ZNF385D: variants seen among roughly 807,000 people sequenced by gnomAD.
The protein encoded by ZNF385D is zinc finger protein 659.
ZNF385D carries 15 observed loss-of-function variants against 35.8 expected under a neutral mutation model. The ratio of observed to expected loss-of-function variants is 0.42; its 90% CI spans 0.28 to 0.64. The LOEUF is 0.64. Among genes scored for constraint, ZNF385D ranks in the 30% least tolerant of loss-of-function variants. The pLI, the probability that ZNF385D is intolerant of heterozygous loss-of-function variation, is 0.23. For synonymous variants in ZNF385D, 212 were observed against 186.8 expected (o/e 1.13, Z -1.10); for missense variants, 474 against 494.6 (o/e 0.96, Z 0.39).
chr3:21,423,869 G>C (rs1700860860), intron 7 of ZNF385D, 94 bp downstream of exon 7: 2 of 1,140,222 alleles, frequency 1.8e-6, no homozygotes, highest in African/African-American at 3.2e-5. Context: ...AAGGTACTGG[G>C]CTGTGGTTAA....
intron 4 of ZNF385D, among the ~76,000 whole-genome samples, chr3:21,473,845 G>A (rs1473742299): frequency 1.3e-5 from 2 of 151,954 alleles, no homozygotes; most frequent in Non-Finnish European, 2.9e-5. Context: ...ATCTAATTTA[G>A]ACGCTCACCC....
chr3:22,160,688 A>G (rs568326815), intron 3 of ZNF385D, among the ~76,000 whole-genome samples: 1 of 152,272 alleles, frequency 6.6e-6, no homozygotes, highest in South Asian at 2.1e-4. Flanking sequence ...TTTATGTGCT[A>G]CAAAACAATG....
intron 3 of ZNF385D, among the ~76,000 whole-genome samples, chr3:21,846,255 G>A (rs1369813142): frequency 6.6e-6 from 1 of 152,038 alleles, no homozygotes; most frequent in East Asian, 1.9e-4. Context: ...TAGTTGCTCA[G>A]TTCTAATAAA....
intron 2 of ZNF385D, among the ~76,000 whole-genome samples, chr3:22,209,225 G>C (rs933934807): frequency 1.3e-5 from 2 of 151,898 alleles, no homozygotes; most frequent in Non-Finnish European, 2.9e-5. Context: ...CCCTTGAATA[G>C]CTTAAACTTA....
At chr3:22,267,621 A>G (rs1421418810) in intron 2 of ZNF385D, among the ~76,000 whole-genome samples, 1 of 151,966 alleles carries the variant, frequency 6.6e-6, no homozygotes. Flanking sequence ...CAGCTTTATT[A>G]AAACACCATT....
chr3:21,604,371 C>T (rs138788327), intron 2 of ZNF385D, among the ~76,000 whole-genome samples: 63 of 152,124 alleles, frequency 4.1e-4, no homozygotes, highest in African/African-American at 1.3e-3. Flanking sequence ...ATTAACAAGG[C>T]GCTGAAAATT....
intron 3 of ZNF385D, among the ~76,000 whole-genome samples, chr3:22,070,943 G>A (rs1240939264): frequency 1.3e-5 from 2 of 151,978 alleles, no homozygotes; most frequent in African/African-American, 4.8e-5. Flanking sequence ...AACAGTATAG[G>A]TGTTAACCAA....
At chr3:21,676,793 A>AT (rs35309798) in intron 1 of ZNF385D, among the ~76,000 whole-genome samples, 97 of 150,678 alleles carry the variant, frequency 6.4e-4, no homozygotes, top group African/African-American at 8.0e-4. Flanking sequence ...GCCCATATGT[A>AT]TTTTTTTTTT....
intron 2 of ZNF385D, among the ~76,000 whole-genome samples, chr3:22,281,524 G>A (rs185878986): frequency 3.7e-4 from 56 of 152,028 alleles, no homozygotes; most frequent in East Asian, 3.3e-3. Context: ...TTCTGGTTAC[G>A]TGGTATATCA....
chr3:22,127,473 G>A (rs950061426), intron 3 of ZNF385D, among the ~76,000 whole-genome samples: 1 of 151,090 alleles, frequency 6.6e-6, no homozygotes, highest in Non-Finnish European at 1.5e-5. Flanking sequence ...CCTAGTAGCT[G>A]GGATTACAAG....
chr3:21,688,093 C>T (rs987598557), intron 1 of ZNF385D, among the ~76,000 whole-genome samples: 3 of 151,984 alleles, frequency 2.0e-5, no homozygotes, highest in South Asian at 4.1e-4. Context: ...CATAACTCAC[C>T]TCTATTATTT....
chr3:21,501,818 C>G (rs752053636), intron 4 of ZNF385D, among the ~76,000 whole-genome samples: 2 of 152,186 alleles, frequency 1.3e-5, no homozygotes, highest in Non-Finnish European at 2.9e-5. Context: ...CACAAAGACA[C>G]AGATGTTTCC....
intron 3 of ZNF385D, among the ~76,000 whole-genome samples, chr3:22,158,638 T>C (rs1046286145): frequency 6.6e-6 from 1 of 151,864 alleles, no homozygotes; most frequent in Admixed American, 6.6e-5. Context: ...GGAAACTATT[T>C]AGTGAATTGA....
chr3:21,905,310 A>G (rs938015180), intron 3 of ZNF385D, among the ~76,000 whole-genome samples: 2 of 151,764 alleles, frequency 1.3e-5, no homozygotes, highest in East Asian at 1.9e-4. Flanking sequence ...CTTTGTATGC[A>G]TAACTCAAGC....
At chr3:21,706,409 G>A (rs183795622) in intron 1 of ZNF385D, among the ~76,000 whole-genome samples, 19 of 152,076 alleles carry the variant, frequency 1.2e-4, no homozygotes, top group African/African-American at 4.6e-4. Context: ...CCAAAAAAAA[G>A]TACATCTTTT....
At chr3:22,037,242 G>C (rs1048322326) in intron 3 of ZNF385D, among the ~76,000 whole-genome samples, 28 of 138,974 alleles carry the variant, frequency 2.0e-4, no homozygotes, top group African/African-American at 7.1e-4. Flanking sequence ...TGGGATGGCT[G>C]GGTCAAATGG....
chr3:21,750,816 A>G (rs1031130765), intron 1 of ZNF385D, 79 bp downstream of exon 1: 1 of 1,584,374 alleles, frequency 6.3e-7, no homozygotes, highest in Non-Finnish European at 8.7e-7. Context: ...CTTGCTGCTT[A>G]AAGAATTTTT....
At chr3:21,848,882 T>C (rs1559687226) in intron 3 of ZNF385D, among the ~76,000 whole-genome samples, 1 of 152,084 alleles carries the variant, frequency 6.6e-6, no homozygotes, top group South Asian at 2.1e-4. Context: ...CATGTATTTG[T>C]TGTGAATAGA....
chr3:21,887,223 G>C (rs1232290799), intron 3 of ZNF385D, among the ~76,000 whole-genome samples: 1 of 152,144 alleles, frequency 6.6e-6, no homozygotes, highest in Non-Finnish European at 1.5e-5. Flanking sequence ...TGTCATCAAA[G>C]ATATTTGGGC....
Sources: gnomAD v4.1 joint callset for allele counts (sites outside exome capture counted in the v4.1 genomes callset) on GRCh38, gnomAD v4.1.1 for gene constraint, MANE v1.5 for transcripts, NCBI Gene and HGNC (gene_info 2026-07-23, HGNC 2026-07-21) for gene names.